ZZEF1: variants seen among roughly 807,000 people sequenced by gnomAD.
ZZEF1 encodes zinc finger ZZ-type and EF-hand domain containing 1.
ZZEF1 carries 157 observed loss-of-function variants against 342.8 expected under a neutral mutation model. The ratio of observed to expected loss-of-function variants is 0.46; its 90% CI spans 0.40 to 0.52. ZZEF1 has a LOEUF of 0.52. Among genes scored for constraint, ZZEF1 ranks in the 20% least tolerant of loss-of-function variants. The pLI, the probability that ZZEF1 is intolerant of heterozygous loss-of-function variation, is 0.00. For synonymous variants in ZZEF1, 1,505 were observed against 1,429.1 expected (o/e 1.05, Z -1.20); for missense variants, 3,480 against 3,725.6 (o/e 0.93, Z 1.72).
At position 4,005,477 on chromosome 17, in the gene ZZEF1, CTG is replaced by C. The variant is rs1464561730; in HGVS notation, c.*1411_*1412del. 6.6e-6 allele frequency: 1 copy of C among 152,348 alleles called. No homozygotes were observed. Among genetic ancestry groups the C allele is most frequent in the African/African-American group, 2.4e-5 (1 of 41,470 alleles). The allele number at this position is 152,348 out of a possible 1,614,324, so 9.4% of individuals were successfully genotyped here. ...GCCCCGGGATGGTTCTACCAGAACTCTGGGGCTTAGCTGAGAACCCAATTGTA... is the reference window on the plus strand; with the variant it reads ...GCCCCGGGATGGTTCTACCAGAACTCGGGCTTAGCTGAGAACCCAATTGTA... On this transcript the variant is annotated 3_prime_UTR_variant, in exon 55 of 55. Coordinates refer to ENST00000381638, the MANE Select transcript of ZZEF1 (RefSeq NM_015113.4).
At chr17:4,104,976 A>C (rs1028661495) in intron 7 of ZZEF1, among the ~76,000 whole-genome samples, 165 bp from the exon 8 acceptor site, 4 of 152,238 alleles carry the variant, frequency 2.6e-5, no homozygotes, top group Non-Finnish European at 4.4e-5. Flanking sequence ...CTAAGGAAAA[A>C]TTAAATCAAT....
Position 4,005,655 on chromosome 17 carries a change from AC to A in ZZEF1, c.*1234del, listed in dbSNP as rs2144901602. On this transcript the variant is annotated 3_prime_UTR_variant, in exon 55 of 55. Coordinates refer to ENST00000381638, the MANE Select transcript of ZZEF1 (RefSeq NM_015113.4). Reference sequence around the variant, plus strand: ...GGGATCTTCAGAGGCCACGGGGCACACTGGGCCATGGCAATGCTGACCTGGT... The same window carrying A: ...GGGATCTTCAGAGGCCACGGGGCACATGGGCCATGGCAATGCTGACCTGGT... The A allele has an allele frequency of 6.6e-6, 1 of 152,470 alleles. No individual in the cohort carries two copies. The highest frequency in any genetic ancestry group is 1.9e-4 in the East Asian group (1 of 5,172). The allele number at this position is 152,470 out of a possible 1,614,324, so 9.4% of individuals were successfully genotyped here.
Position 4,009,619 on chromosome 17 carries a change from G to A in ZZEF1, c.8718C>T (p.Thr2906=), listed in dbSNP as rs544096006. Residue 2906 remains threonine (T), a synonymous_variant, in exon 53 of 55, where the codon ACC becomes ACT. Transcript: ENST00000381638. ...HRALTELFFV[T]ENRAQELGVL... ...CAGGCCTCACCTGGGCACGGTTCTC[G>A]GTGACGAAGAAGAGCTCAGTGAGGG... The A allele has an allele frequency of 2.9e-5, 47 of 1,613,630 alleles. No homozygotes were observed. The Admixed American group carries it at 3.2e-4, about 11-fold the overall frequency.
At position 4,077,873 on chromosome 17, in the gene ZZEF1, T is replaced by C. The variant is rs1567820671; in HGVS notation, c.2989+10A>G. ...CCATCTGTTTTCATGGATTTTATATTGAAACTCACATTTTTCAATAAGGTC... is the reference window on the plus strand; with the variant it reads ...CCATCTGTTTTCATGGATTTTATATCGAAACTCACATTTTTCAATAAGGTC... On this transcript the variant is annotated intron_variant, in intron 19 of 54. Coordinates refer to ENST00000381638, the MANE Select transcript of ZZEF1 (RefSeq NM_015113.4). 1 of 1,612,738 alleles carries C rather than the reference T, an allele frequency of 6.2e-7. No individual in the cohort carries two copies. Among genetic ancestry groups the C allele is most frequent in the Non-Finnish European group, 8.5e-7 (1 of 1,179,374 alleles).
intron 1 of ZZEF1, among the ~76,000 whole-genome samples, chr17:4,130,551 C>T (rs960525495): frequency 2.0e-5 from 3 of 151,832 alleles, no homozygotes; most frequent in African/African-American, 4.8e-5. Context: ...GTGAAGAGAC[C>T]GAAGTGCCCA....
rs2058185691 is a variant in ZZEF1 at position 4,104,892 on chromosome 17, A to C, written c.1395-81T>G. 2.5e-6 allele frequency: 3 copies of C among 1,203,454 alleles called. No homozygotes were observed. The South Asian group carries it at 4.5e-5, about 18-fold the overall frequency. The allele number at this position is 1,203,454 out of a possible 1,614,324, so 74.5% of individuals were successfully genotyped here. Reference sequence around the variant, plus strand: ...AGCTCAAACCCCATGTAAGTGATCAACACAAGTAACATTAACCTGCCATAT... The same window carrying C: ...AGCTCAAACCCCATGTAAGTGATCACCACAAGTAACATTAACCTGCCATAT... On this transcript the variant is annotated intron_variant, in intron 7 of 54. Coordinates refer to ENST00000381638, the MANE Select transcript of ZZEF1 (RefSeq NM_015113.4).
At chr17:4,013,354 T>C (rs548580948) in intron 52 of ZZEF1, 95 bp downstream of exon 52, 560 of 1,250,160 alleles carry the variant, frequency 4.5e-4, no homozygotes, top group Non-Finnish European at 5.6e-4. Flanking sequence ...ACAAATGTCT[T>C]TTCATCAAAG....
chr17:4,047,801 C>T (rs535533315), intron 37 of ZZEF1, among the ~76,000 whole-genome samples: 21 of 149,310 alleles, frequency 1.4e-4, no homozygotes, highest in African/African-American at 4.9e-4. Context: ...ATTAGCTGGG[C>T]GTGGTGGTGG....
chr17:4,127,008 A>ATTTTTT (rs113010631), intron 1 of ZZEF1, among the ~76,000 whole-genome samples: 2 of 142,690 alleles, frequency 1.4e-5, no homozygotes, highest in African/African-American at 2.6e-5. Flanking sequence ...AACTGACTGG[A>ATTTTTT]TTTTTTTTTT....
chr17:4,054,785 G>C, intron 33 of ZZEF1, among the ~76,000 whole-genome samples: 1 of 152,174 alleles, frequency 6.6e-6, no homozygotes, highest in Non-Finnish European at 1.5e-5. Context: ...GGAAAGAATG[G>C]ATCAAAGGGG....
chr17:4,082,588 C>T, intron 16 of ZZEF1, 84 bp from the exon 17 acceptor site: 1 of 1,265,514 alleles, frequency 7.9e-7, no homozygotes, highest in South Asian at 1.3e-5. Flanking sequence ...AACATCACCA[C>T]CCCACTGTTC....
Position 4,071,029 on chromosome 17 carries a change from A to C in ZZEF1, c.3835-105T>G. On this transcript the variant is annotated intron_variant, in intron 25 of 54. Coordinates refer to ENST00000381638, the MANE Select transcript of ZZEF1 (RefSeq NM_015113.4). ...AGCAGAAGTATAAAACACAGTGAAC[A>C]CTCTCCGGAAGTTTAAATCTATTTT... 4.5e-6 allele frequency: 6 copies of C among 1,322,098 alleles called. No homozygotes were observed. In the South Asian group the frequency reaches 9.0e-5, roughly 20 times the overall value. The allele number at this position is 1,322,098 out of a possible 1,614,324, so 81.9% of individuals were successfully genotyped here.
chr17:4,125,085 C>T (rs1389894504), intron 1 of ZZEF1, among the ~76,000 whole-genome samples: 1 of 152,026 alleles, frequency 6.6e-6, no homozygotes, highest in Non-Finnish European at 1.5e-5. Context: ...CTGTAGTGTT[C>T]CCCTTCTCCT....
Position 4,090,838 on chromosome 17 carries a change from G to C in ZZEF1, c.1914-8C>G, listed in dbSNP as rs1172021743. On this transcript the variant is annotated splice_region_variant and splice_polypyrimidine_tract_variant and intron_variant, in intron 11 of 54. Coordinates refer to ENST00000381638, the MANE Select transcript of ZZEF1 (RefSeq NM_015113.4). ...TCAGATGAGCAACCAATCCTGTAAA[G>C]ACAAGAGTATTCACAAAACATTTTA... is the stretch of plus-strand genomic sequence containing the variant. 1.2e-6 allele frequency: 2 copies of C among 1,604,630 alleles called. No homozygotes were observed. Among genetic ancestry groups the C allele is most frequent in the Non-Finnish European group, 1.7e-6 (2 of 1,171,804 alleles).
chr17:4,048,971 G>A (rs1481497293), intron 37 of ZZEF1, among the ~76,000 whole-genome samples: 1 of 151,156 alleles, frequency 6.6e-6, no homozygotes, highest in Non-Finnish European at 1.5e-5. Flanking sequence ...GCCCACCTTG[G>A]CCTCCCAAAG....
rs772704352 is a variant in ZZEF1 at position 4,038,456 on chromosome 17, G to A, written c.6306+3973C>T. 4.4e-4 allele frequency among the ~76,000 whole-genome samples: 67 copies of A among 152,160 alleles called. 1 individual carries two copies. Among genetic ancestry groups the A allele is most frequent in the Non-Finnish European group, 1.6e-4 (11 of 68,014 alleles). On this transcript the variant is annotated intron_variant, in intron 39 of 54. Transcript: ENST00000381638. The stretch of plus-strand genomic sequence containing the variant: ...CTGGATAACAGTGAAAATGAATAAA[G>A]GAAACTAATCACAATAACATGGATG...
chr17:4,060,178 A>G (rs2057253702), intron 30 of ZZEF1, among the ~76,000 whole-genome samples: 1 of 152,246 alleles, frequency 6.6e-6, no homozygotes, highest in Non-Finnish European at 1.5e-5. Context: ...GCTGACTAGT[A>G]TGACTTTAAA....
intron 39 of ZZEF1, among the ~76,000 whole-genome samples, chr17:4,035,483 T>C (rs1470752478): frequency 1.3e-5 from 2 of 151,942 alleles, no homozygotes; most frequent in African/African-American, 4.8e-5. Flanking sequence ...AAGCAGGGTA[T>C]GGAATTTCCA....
chr17:4,041,042 T>C (rs1386103155), intron 39 of ZZEF1, among the ~76,000 whole-genome samples: 1 of 152,156 alleles, frequency 6.6e-6, no homozygotes, highest in Non-Finnish European at 1.5e-5. Flanking sequence ...CTCCGGCTGA[T>C]GTGCCTGCTC....
Sources: gnomAD v4.1 joint callset for allele counts (sites outside exome capture counted in the v4.1 genomes callset) on GRCh38, gnomAD v4.1.1 for gene constraint, MANE v1.5 for transcripts, NCBI Gene and HGNC (gene_info 2026-07-23, HGNC 2026-07-21) for gene names.